LPP: variants seen among roughly 807,000 people sequenced by gnomAD.
LPP encodes the protein lipoma-preferred partner.
Under a neutral mutation model 60.4 loss-of-function variants are expected in LPP, and 38 were observed. The ratio of observed to expected loss-of-function variants is 0.63; its 90% CI spans 0.49 to 0.83. The LOEUF is 0.83. Among genes scored for constraint, LPP ranks in the 40% least tolerant of loss-of-function variants. The probability of loss-of-function intolerance (pLI) is 0.00; values close to 1 mark genes in which losing one functional copy is unlikely to be tolerated. For missense variants in LPP, 902 were observed against 783.6 expected (o/e 1.15, Z -1.80); for synonymous variants, 328 against 290.8 (o/e 1.13, Z -1.30).
chr3:188,396,595 G>T (rs752364516), intron 3 of LPP, among the ~76,000 whole-genome samples: 3 of 152,184 alleles, frequency 2.0e-5, no homozygotes, highest in Non-Finnish European at 2.9e-5. Flanking sequence ...TCTCATTAGA[G>T]ATCATATTGG....
intron 5 of LPP, among the ~76,000 whole-genome samples, chr3:188,501,744 A>C (rs1247772931): frequency 6.8e-6 from 1 of 147,784 alleles, no homozygotes; most frequent in Non-Finnish European, 1.5e-5. Context: ...ATCTCAAAAA[A>C]AACAAAAACC....
chr3:188,482,102 A>C (rs543042620), intron 4 of LPP, among the ~76,000 whole-genome samples: 2 of 152,044 alleles, frequency 1.3e-5, no homozygotes, highest in Admixed American at 6.6e-5. Flanking sequence ...TTCCCCCTTC[A>C]TGCTCTCTCT....
chr3:188,253,585 G>A (rs966332527), intron 2 of LPP, among the ~76,000 whole-genome samples: 1 of 152,142 alleles, frequency 6.6e-6, no homozygotes, highest in Non-Finnish European at 1.5e-5. Flanking sequence ...GGTAAACAGT[G>A]GAACAGGGTA....
At chr3:188,825,540 T>G (rs750624654) in intron 9 of LPP, among the ~76,000 whole-genome samples, 2 of 151,976 alleles carry the variant, frequency 1.3e-5, no homozygotes, top group Non-Finnish European at 2.9e-5. Flanking sequence ...AATCTATTGC[T>G]ATTATCCTCA....
chr3:188,842,047 G>C (rs1760161056), intron 9 of LPP, among the ~76,000 whole-genome samples: 1 of 152,062 alleles, frequency 6.6e-6, no homozygotes, highest in Non-Finnish European at 1.5e-5. Flanking sequence ...TGTTTCTCTT[G>C]CCCGATTGCA....
chr3:188,607,929 CT>C (rs1042562229), intron 6 of LPP, among the ~76,000 whole-genome samples: 2 of 152,044 alleles, frequency 1.3e-5, no homozygotes, highest in African/African-American at 4.8e-5. Context: ...TGTAGCAATC[CT>C]TTTTTTATGT....
At chr3:188,831,494 C>T (rs1757124603) in intron 9 of LPP, among the ~76,000 whole-genome samples, 1 of 152,118 alleles carries the variant, frequency 6.6e-6, no homozygotes, top group Non-Finnish European at 1.5e-5. Flanking sequence ...TGGTCTCTAG[C>T]TGGGTGCTTC....
intron 2 of LPP, among the ~76,000 whole-genome samples, chr3:188,311,996 T>C (rs891629457): frequency 4.6e-5 from 7 of 152,204 alleles, no homozygotes; most frequent in African/African-American, 1.7e-4. Flanking sequence ...CACAAAAATA[T>C]AGTTTAAACT....
chr3:188,686,794 C>T (rs868666052), intron 7 of LPP, among the ~76,000 whole-genome samples: 1 of 152,174 alleles, frequency 6.6e-6, no homozygotes, highest in African/African-American at 2.4e-5. Flanking sequence ...AAGCACTCAA[C>T]AAGTGTGCAT....
intron 4 of LPP, among the ~76,000 whole-genome samples, chr3:188,457,745 T>TAC (rs1798073560): frequency 6.8e-6 from 1 of 146,878 alleles, no homozygotes; most frequent in African/African-American, 2.5e-5. Flanking sequence ...AAAAAATATA[T>TAC]ATATATATAT....
intron 9 of LPP, among the ~76,000 whole-genome samples, chr3:188,806,812 C>G (rs891570781): frequency 2.0e-5 from 3 of 151,822 alleles, no homozygotes. Flanking sequence ...AATTGTTACT[C>G]TCAATTTACT....
chr3:188,500,867 T>C (rs1811619055), intron 5 of LPP, among the ~76,000 whole-genome samples: 1 of 152,140 alleles, frequency 6.6e-6, no homozygotes, highest in Non-Finnish European at 1.5e-5. Flanking sequence ...ATCTTTTTTA[T>C]TTCTGTAGAA....
chr3:188,399,048 C>T (rs930643268), intron 3 of LPP, among the ~76,000 whole-genome samples: 1 of 152,220 alleles, frequency 6.6e-6, no homozygotes, highest in Admixed American at 6.5e-5. Context: ...AAGTCAAGAT[C>T]TTTCATAGAC....
intron 3 of LPP, among the ~76,000 whole-genome samples, chr3:188,375,830 T>C (rs1215405901): frequency 1.3e-5 from 2 of 152,218 alleles, no homozygotes; most frequent in Non-Finnish European, 1.5e-5. Flanking sequence ...CCTGCTTCTC[T>C]TGTGGGCATT....
intron 8 of LPP, among the ~76,000 whole-genome samples, chr3:188,713,734 C>A (rs1245896673): frequency 6.6e-6 from 1 of 152,090 alleles, no homozygotes; most frequent in East Asian, 1.9e-4. Context: ...ATAACTGCAA[C>A]AACTATAAGG....
intron 9 of LPP, among the ~76,000 whole-genome samples, chr3:188,799,093 A>C (rs540483227): frequency 6.6e-6 from 1 of 152,380 alleles, no homozygotes; most frequent in African/African-American, 2.4e-5. Context: ...ACTGCCTTTT[A>C]TCATGTTCTC....
At position 188,885,706 on chromosome 3, in the gene LPP, A is replaced by G. The variant is rs1235959692; in HGVS notation, c.*11227A>G. On this transcript the variant is annotated 3_prime_UTR_variant, in exon 12 of 12. Coordinates refer to ENST00000617246, the MANE Select transcript of LPP (RefSeq NM_001375462.1). The stretch of plus-strand genomic sequence containing the variant: ...ATTTCTAGTTCTAGATCCCTGAGGA[A>G]TCTCCACACTGACTTCCACAATGGT... 6.6e-6 allele frequency: 1 copy of G among 152,514 alleles called. No homozygotes were observed. The highest frequency in any genetic ancestry group is 6.5e-5 in the Admixed American group (1 of 15,278). 9.4% of individuals were successfully genotyped at this position (152,514 alleles called of 1,614,324 possible). A position where few individuals can be genotyped will look rare whatever the true frequency, so the allele number is the denominator to read the frequency against.
chr3:188,711,340 A>G (rs568430044), intron 8 of LPP: 1 of 152,344 alleles, frequency 6.6e-6, no homozygotes, highest in East Asian at 1.9e-4. Context: ...TGAAATAGAT[A>G]CTATTATCAT....
chr3:188,381,938 C>T (rs1372825823), intron 3 of LPP, among the ~76,000 whole-genome samples: 2 of 147,938 alleles, frequency 1.4e-5, no homozygotes, highest in African/African-American at 2.6e-5. Context: ...TGACCCGATA[C>T]ACCCAGCTAT....
Sources: allele counts gnomAD v4.1 joint callset (sites outside exome capture counted in the v4.1 genomes callset), GRCh38; gene constraint gnomAD v4.1.1; transcripts MANE v1.5; gene names NCBI Gene and HGNC (gene_info 2026-07-23, HGNC 2026-07-21).